KIAA0825: variants seen among roughly 807,000 people sequenced by gnomAD.
KIAA0825 encodes the protein uncharacterized protein KIAA0825.
Under a neutral mutation model 147.6 loss-of-function variants are expected in KIAA0825, and 119 were observed. The observed-to-expected ratio is 0.81, with a 90% confidence interval of 0.69 to 0.94. The LOEUF (loss-of-function observed/expected upper bound fraction) is 0.94, where lower values mean the gene tolerates loss of function less well. Among genes scored for constraint, KIAA0825 ranks in the 40% least tolerant of loss-of-function variants. The pLI, the probability that KIAA0825 is intolerant of heterozygous loss-of-function variation, is 0.00. For missense variants in KIAA0825, 1,381 were observed against 1,472.7 expected (o/e 0.94, Z 1.02); for synonymous variants, 470 against 518.1 (o/e 0.91, Z 1.26).
At chr5:94,495,866 T>C (rs1340907388) in intron 5 of KIAA0825, among the ~76,000 whole-genome samples, 2 of 152,252 alleles carry the variant, frequency 1.3e-5, no homozygotes, top group African/African-American at 4.8e-5. Flanking sequence ...AAAATACATG[T>C]GAAAATAAGC....
At chr5:94,501,014 C>T (rs1432613410) in intron 5 of KIAA0825, among the ~76,000 whole-genome samples, 3 of 152,132 alleles carry the variant, frequency 2.0e-5, no homozygotes, top group South Asian at 2.1e-4. Context: ...CCTCAGCCTC[C>T]GAAAGTGCTG....
intron 20 of KIAA0825, among the ~76,000 whole-genome samples, chr5:94,378,230 G>A (rs2150495355): frequency 6.6e-6 from 1 of 152,282 alleles, no homozygotes; most frequent in East Asian, 1.9e-4. Flanking sequence ...GCACCTGACA[G>A]GTAGCTTTTT....
chr5:94,203,855 G>A (rs1771914499), intron 20 of KIAA0825, among the ~76,000 whole-genome samples: 1 of 152,026 alleles, frequency 6.6e-6, no homozygotes, highest in African/African-American at 2.4e-5. Context: ...ATGTCAAACT[G>A]GGAGCTTTGA....
At chr5:94,312,062 T>C (rs1779234279) in intron 20 of KIAA0825, among the ~76,000 whole-genome samples, 1 of 151,640 alleles carries the variant, frequency 6.6e-6, no homozygotes, top group Non-Finnish European at 1.5e-5. Context: ...AAAAATTCGC[T>C]CCAGGCTGAC....
intron 20 of KIAA0825, among the ~76,000 whole-genome samples, chr5:94,304,726 T>C (rs1271826958): frequency 6.6e-6 from 1 of 152,036 alleles, no homozygotes; most frequent in Non-Finnish European, 1.5e-5. Context: ...AAAATAAGTA[T>C]ATTTGAATAC....
intron 14 of KIAA0825, among the ~76,000 whole-genome samples, chr5:94,434,770 G>T (rs1266598372): frequency 6.6e-6 from 1 of 152,038 alleles, no homozygotes; most frequent in Non-Finnish European, 1.5e-5. Flanking sequence ...TTTTTATTAG[G>T]AACCCCCTTG....
At chr5:94,397,474 C>T (rs1750817733) in intron 16 of KIAA0825, among the ~76,000 whole-genome samples, 1 of 152,196 alleles carries the variant, frequency 6.6e-6, no homozygotes, top group Non-Finnish European at 1.5e-5. Context: ...TTTTTACAAA[C>T]TTATAAAGAC....
intron 20 of KIAA0825, among the ~76,000 whole-genome samples, chr5:94,180,697 T>A (rs921738192): frequency 7.2e-5 from 11 of 152,274 alleles, no homozygotes; most frequent in Admixed American, 4.6e-4. Flanking sequence ...CCTTTTTAGG[T>A]AACCTGCTTT....
chr5:94,470,007 T>C lies in KIAA0825; in HGVS notation c.1826A>G (p.Gln609Arg), dbSNP rs781212248. 1.9e-6 allele frequency: 3 copies of C among 1,551,806 alleles called. No homozygotes were observed. The Admixed American group carries it at 5.9e-5, about 30-fold the overall frequency. The change falls in exon 10 of 21, where the codon CAG becomes CGG. Residue 609 changes from glutamine to arginine, a missense_variant. By Grantham distance (43) the Gln-to-Arg change is conservative. Coordinates refer to ENST00000682413, the MANE Select transcript of KIAA0825 (RefSeq NM_001145678.3). ...CVRVCATSIL[Q>R]DAESHHWDDY... ...ATCCCAGTGGTGGCTCTCAGCATCC[T>C]GTAAAATGCTTGTAGCACAAACTCT...
chr5:94,379,193 G>C, intron 20 of KIAA0825, among the ~76,000 whole-genome samples: 1 of 152,116 alleles, frequency 6.6e-6, no homozygotes, highest in East Asian at 1.9e-4. Context: ...CTATGTCCTG[G>C]ATAGTATTTC....
chr5:94,426,041 T>TTAC (rs1361990182), intron 14 of KIAA0825, among the ~76,000 whole-genome samples: 3 of 150,044 alleles, frequency 2.0e-5, no homozygotes, highest in Admixed American at 2.0e-4. Flanking sequence ...ATCATTATTA[T>TTAC]TATTATTATT....
At chr5:94,324,594 A>AT (rs1468571048) in intron 20 of KIAA0825, among the ~76,000 whole-genome samples, 4 of 151,996 alleles carry the variant, frequency 2.6e-5, no homozygotes, top group Non-Finnish European at 2.9e-5. Context: ...ACCACAGCAG[A>AT]TTTTTTTACC....
intron 20 of KIAA0825, among the ~76,000 whole-genome samples, chr5:94,210,195 A>G (rs1772573198): frequency 6.6e-6 from 1 of 152,176 alleles, no homozygotes; most frequent in South Asian, 2.1e-4. Flanking sequence ...AGGCAAATTA[A>G]TTGGCTGTTT....
chr5:94,408,286 C>T (rs1421650195), intron 15 of KIAA0825, among the ~76,000 whole-genome samples: 1 of 152,088 alleles, frequency 6.6e-6, no homozygotes, highest in Non-Finnish European at 1.5e-5. Context: ...GGTGGGATTT[C>T]CAACATAGAG....
At chr5:94,464,064 C>CAAAA (rs11364703) in intron 11 of KIAA0825, among the ~76,000 whole-genome samples, 43 of 90,254 alleles carry the variant, frequency 4.8e-4, no homozygotes, top group East Asian at 8.8e-4. Context: ...TTCCTCCTGC[C>CAAAA]AAAAAAAAAA....
chr5:94,497,804 C>A (rs75146546), intron 5 of KIAA0825, among the ~76,000 whole-genome samples: 4 of 152,166 alleles, frequency 2.6e-5, no homozygotes, highest in Non-Finnish European at 5.9e-5. Flanking sequence ...AGTGAGTTAG[C>A]GGAGGAACCT....
At chr5:94,274,569 C>T (rs555257311) in intron 20 of KIAA0825, among the ~76,000 whole-genome samples, 1 of 152,184 alleles carries the variant, frequency 6.6e-6, no homozygotes, top group African/African-American at 2.4e-5. Context: ...AAATGATCGC[C>T]ATAATGAGGC....
chr5:94,550,793 G>A (rs1191645520), intron 2 of KIAA0825, among the ~76,000 whole-genome samples: 8 of 148,946 alleles, frequency 5.4e-5, no homozygotes, highest in African/African-American at 2.0e-4. Context: ...AGTGAGCCCA[G>A]ATCGCACCAC....
intron 20 of KIAA0825, among the ~76,000 whole-genome samples, chr5:94,377,958 A>G (rs749024841): frequency 3.3e-5 from 5 of 152,246 alleles, no homozygotes; most frequent in African/African-American, 4.8e-5. Context: ...CAAAAGATTT[A>G]TAAGTCTTGG....
Sources: gnomAD v4.1 joint callset for allele counts (sites outside exome capture counted in the v4.1 genomes callset) on GRCh38, gnomAD v4.1.1 for gene constraint, MANE v1.5 for transcripts, NCBI Gene and HGNC (gene_info 2026-07-23, HGNC 2026-07-21) for gene names.